Variants in IGF2BP2 observed in about 807,000 individuals in gnomAD.
The protein encoded by IGF2BP2 is insulin-like growth factor 2 mRNA-binding protein 2.
A neutral mutation model predicts 75.8 loss-of-function variants in IGF2BP2; 17 were observed. That is an observed-to-expected ratio of 0.22 (90% CI 0.15 to 0.34). The LOEUF (loss-of-function observed/expected upper bound fraction) is 0.34. Ranked by LOEUF, IGF2BP2 falls within the 10% of genes least tolerant of loss-of-function variation. The probability of loss-of-function intolerance (pLI) is 1.00; values close to 1 mark genes in which losing one functional copy is unlikely to be tolerated. For synonymous variants in IGF2BP2, 288 were observed against 295.6 expected (o/e 0.97, Z 0.26); for missense variants, 516 against 772.4 (o/e 0.67, Z 3.93).
intron 2 of IGF2BP2, among the ~76,000 whole-genome samples, chr3:185,757,248 A>C (rs1196818347): frequency 6.6e-6 from 1 of 152,210 alleles, no homozygotes; most frequent in Non-Finnish European, 1.5e-5. Context: ...CCATCAGAAA[A>C]GCTACTAAGC....
intron 2 of IGF2BP2, among the ~76,000 whole-genome samples, chr3:185,721,746 C>A (rs1413533483): frequency 2.6e-5 from 4 of 152,150 alleles, no homozygotes; most frequent in Non-Finnish European, 5.9e-5. Context: ...TCACTCTCAT[C>A]TGAAAAGTCA....
intron 2 of IGF2BP2, among the ~76,000 whole-genome samples, chr3:185,800,826 C>T (rs1386419190): frequency 6.6e-6 from 1 of 152,110 alleles, no homozygotes; most frequent in Non-Finnish European, 1.5e-5. Context: ...ATGACTAAAA[C>T]ACCAAAAGCA....
chr3:185,766,569 G>A (rs1733098662), intron 2 of IGF2BP2, among the ~76,000 whole-genome samples: 1 of 152,182 alleles, frequency 6.6e-6, no homozygotes, highest in Non-Finnish European at 1.5e-5. Context: ...GTCTATGGCT[G>A]CTCTTGCAGA....
intron 5 of IGF2BP2, among the ~76,000 whole-genome samples, chr3:185,692,060 T>C (rs1327400930): frequency 6.6e-6 from 1 of 152,174 alleles, no homozygotes; most frequent in Admixed American, 6.5e-5. Context: ...AGACTTGATC[T>C]CATGTCCATT....
At chr3:185,674,270 G>A (rs1211531437) in intron 9 of IGF2BP2, among the ~76,000 whole-genome samples, 1 of 152,172 alleles carries the variant, frequency 6.6e-6, no homozygotes, top group Non-Finnish European at 1.5e-5. Flanking sequence ...AGGGTTTAGA[G>A]GAAACAAAAC....
At chr3:185,769,437 A>G (rs1041898556) in intron 2 of IGF2BP2, among the ~76,000 whole-genome samples, 18 of 152,138 alleles carry the variant, frequency 1.2e-4, no homozygotes, top group African/African-American at 4.1e-4. Context: ...AGAACCTGTA[A>G]CTCTTAAATA....
chr3:185,808,594 CTATT>C (rs1739372475), intron 2 of IGF2BP2, among the ~76,000 whole-genome samples: 1 of 151,948 alleles, frequency 6.6e-6, no homozygotes, highest in African/African-American at 2.4e-5. Flanking sequence ...CTCTCTCTCT[CTATT>C]ACCCAGGCTG....
intron 7 of IGF2BP2, among the ~76,000 whole-genome samples, chr3:185,678,492 T>C (rs1560278883): frequency 6.6e-6 from 1 of 152,252 alleles, no homozygotes; most frequent in African/African-American, 2.4e-5. Flanking sequence ...TTTCATTCCA[T>C]TGTGATCAGA....
intron 2 of IGF2BP2, among the ~76,000 whole-genome samples, chr3:185,707,304 T>TC (rs1479759671): frequency 3.7e-4 from 45 of 123,206 alleles, no homozygotes; most frequent in Non-Finnish European, 7.2e-4. Flanking sequence ...GCTTTTTTTT[T>TC]TTTTTTTTTT....
At chr3:185,675,522 A>G in intron 8 of IGF2BP2, 91 bp from the exon 9 acceptor site, 1 of 1,440,224 alleles carries the variant, frequency 6.9e-7, no homozygotes, top group Non-Finnish European at 9.5e-7. Context: ...GTTTTGGCGG[A>G]GAGAGAGAAG....
At chr3:185,810,786 C>A (rs201790807) in intron 2 of IGF2BP2, among the ~76,000 whole-genome samples, 6,348 of 148,466 alleles carry the variant, frequency 0.043, 171 homozygotes, top group South Asian at 0.09. Context: ...AAAAAAACAA[C>A]AAAAAACAAA....
chr3:185,717,105 C>G (rs1289847491), intron 2 of IGF2BP2: 1 of 235,650 alleles, frequency 4.2e-6, no homozygotes, highest in Non-Finnish European at 8.5e-6. Flanking sequence ...AAAGGGTCCT[C>G]TCTGTCTCTG....
At chr3:185,763,661 A>C (rs1283486935) in intron 2 of IGF2BP2, among the ~76,000 whole-genome samples, 2 of 152,242 alleles carry the variant, frequency 1.3e-5, no homozygotes, top group African/African-American at 2.4e-5. Flanking sequence ...GAAATAAATA[A>C]CACCACCATA....
chr3:185,663,377 T>C lies in IGF2BP2; in HGVS notation c.1201-4968A>G, dbSNP rs558947454. Among the ~76,000 whole-genome samples, 6 of 152,342 alleles carry C rather than the reference T, an allele frequency of 3.9e-5. No individual in the cohort carries two copies. The South Asian group carries it at 1.2e-3, about 32-fold the overall frequency. ...TAACTGAGAGGCAGAGGGAGATGGG[T>C]AATTGTTATCCACAGGCTTGTTTCA... On this transcript the variant is annotated intron_variant, in intron 10 of 15. Coordinates refer to ENST00000382199, the MANE Select transcript of IGF2BP2 (RefSeq NM_006548.6).
At chr3:185,776,093 A>T (rs766955844) in intron 2 of IGF2BP2, among the ~76,000 whole-genome samples, 1 of 152,080 alleles carries the variant, frequency 6.6e-6, no homozygotes, top group South Asian at 2.1e-4. Flanking sequence ...AAAACTTAAC[A>T]AATTAGCTGG....
rs11314977 is a variant in IGF2BP2 at position 185,735,147 on chromosome 3, C to CT, written c.240-36801dup. On this transcript the variant is annotated intron_variant, in intron 2 of 15. Coordinates refer to ENST00000382199, the MANE Select transcript of IGF2BP2 (RefSeq NM_006548.6). Reference sequence around the variant, plus strand: ...CAATGCTTGAAAATACATTTAAATCCTTTTTTTTTTTTTTTTGAGACCAAG... The same window carrying CT: ...CAATGCTTGAAAATACATTTAAATCCTTTTTTTTTTTTTTTTTGAGACCAAG... 6.1e-3 allele frequency among the ~76,000 whole-genome samples: 829 copies of CT among 136,950 alleles called. 3 individuals carry two copies. The highest frequency in any genetic ancestry group is 8.4e-3 in the Non-Finnish European group (535 of 63,696). The allele number at this position is 136,950 out of a possible 152,430, so 89.8% of individuals were successfully genotyped here.
chr3:185,746,929 T>C (rs937874018), intron 2 of IGF2BP2, among the ~76,000 whole-genome samples: 5 of 152,182 alleles, frequency 3.3e-5, no homozygotes, highest in Non-Finnish European at 5.9e-5. Flanking sequence ...TGCTAAATTT[T>C]GAGTGTGGGC....
intron 2 of IGF2BP2, among the ~76,000 whole-genome samples, chr3:185,711,138 G>C (rs902187893): frequency 1.2e-4 from 19 of 152,178 alleles, no homozygotes; most frequent in Non-Finnish European, 2.4e-4. Flanking sequence ...GGATCCCTTT[G>C]AATCAGTTCT....
intron 2 of IGF2BP2, among the ~76,000 whole-genome samples, chr3:185,804,457 C>CA (rs1738726831): frequency 6.6e-6 from 1 of 151,582 alleles, no homozygotes; most frequent in Non-Finnish European, 1.5e-5. Context: ...CAAAAAAACA[C>CA]AGATTTCAGA....
Sources: allele counts gnomAD v4.1 joint callset (sites outside exome capture counted in the v4.1 genomes callset), GRCh38; gene constraint gnomAD v4.1.1; transcripts MANE v1.5; gene names NCBI Gene and HGNC (gene_info 2026-07-23, HGNC 2026-07-21).